SCN3A: variants seen among roughly 807,000 people sequenced by gnomAD.
SCN3A encodes sodium voltage-gated channel alpha subunit 3.
SCN3A carries 60 observed loss-of-function variants against 187.6 expected under a neutral mutation model. That is an observed-to-expected ratio of 0.32 (90% CI 0.26 to 0.40). The LOEUF (loss-of-function observed/expected upper bound fraction) is 0.40, where lower values mean the gene tolerates loss of function less well. SCN3A is among the 10% of genes least tolerant of loss of function. SCN3A has a pLI of 1.00. For missense variants in SCN3A, 1,601 were observed against 2,428.2 expected, an observed-to-expected ratio of 0.66 and a Z score of 7.16; for synonymous variants, 788 against 829.2, an observed-to-expected ratio of 0.95 and a Z score of 0.85.
chr2:165,181,474 A>C (rs930074903), intron 2 of SCN3A, among the ~76,000 whole-genome samples: 7 of 152,170 alleles, frequency 4.6e-5, no homozygotes, highest in Admixed American at 6.5e-5. Context: ...ATAATATCCA[A>C]AAATCGCATT....
chr2:165,148,096 CA>C (rs1419934251), intron 11 of SCN3A, among the ~76,000 whole-genome samples: 1 of 150,162 alleles, frequency 6.7e-6, no homozygotes, highest in East Asian at 2.0e-4. Context: ...GAAATTGTAT[CA>C]TTGTATGCTC....
rs1436286390 is a variant in SCN3A, at chr2:165,130,449, G to T, written c.2566-153C>A. On this transcript the variant is annotated intron_variant, in intron 16 of 27. Coordinates refer to ENST00000283254, the MANE Select transcript of SCN3A (RefSeq NM_006922.4). ...CAATTTCAAATCCAGAAAAAATAGT[G>T]TTAACAATATTAGAATTGTAAATCT... is the stretch of plus-strand genomic sequence containing the variant. 6.7e-6 allele frequency: 5 copies of T among 750,874 alleles called. No individual in the cohort carries two copies. The East Asian group carries it at 8.1e-5, about 12-fold the overall frequency. The allele number at this position is 750,874 out of a possible 1,614,324, so 46.5% of individuals were successfully genotyped here. A position where few individuals can be genotyped will look rare whatever the true frequency, so the allele number is the denominator to read the frequency against.
At chr2:165,201,189 A>T (rs141391947) in intron 1 of SCN3A, among the ~76,000 whole-genome samples, 14 of 152,206 alleles carry the variant, frequency 9.2e-5, no homozygotes, top group African/African-American at 3.4e-4. Flanking sequence ...TATTGGGCAT[A>T]AATAACTGTC....
At chr2:165,176,858 A>C (rs1379621940) in intron 2 of SCN3A, among the ~76,000 whole-genome samples, 2 of 152,214 alleles carry the variant, frequency 1.3e-5, no homozygotes, top group Non-Finnish European at 2.9e-5. Flanking sequence ...AAAATTGCTT[A>C]ATTATTCTGC....
chr2:165,093,579 G>T (rs1685215974), intron 26 of SCN3A: 2 of 152,068 alleles, frequency 1.3e-5, no homozygotes, highest in East Asian at 3.9e-4. Context: ...AAAATCAAAG[G>T]TCATGAAGTG....
In SCN3A at chr2:165,090,158, G is replaced by A. The variant is rs746768438; in HGVS notation, c.5995C>T (p.Gln1999Ter). ...TAATTCTTTGTTTCTTTTTACTTTT[G>A]ATTTTCTCTGACCTCTTTTCCTTTG... ...ESKGKEVREN[Q>*]K Residue 1999 changes from glutamine (Q) to a stop codon, truncating the protein, a stop_gained, in exon 28 of 28, where the codon CAA becomes TAA. Transcript: ENST00000283254. LOFTEE classifies it high-confidence loss of function. The surrounding 1 kb of genome is among the most constrained non-coding windows in gnomAD (Gnocchi z 4.0). 1 of 1,578,422 alleles carries A rather than the reference G, an allele frequency of 6.3e-7. No individual in the cohort carries two copies. The highest frequency in any genetic ancestry group is 8.6e-7 in the Non-Finnish European group (1 of 1,157,762).
chr2:165,133,417 C>T (rs1276810737), intron 15 of SCN3A, among the ~76,000 whole-genome samples: 16 of 151,908 alleles, frequency 1.1e-4, no homozygotes, highest in Non-Finnish European at 1.3e-4. Context: ...TAGAGTGGCG[C>T]GATCTTGGCT....
chr2:165,181,397 T>C (rs1433537641), intron 2 of SCN3A, among the ~76,000 whole-genome samples: 1 of 152,248 alleles, frequency 6.6e-6, no homozygotes, highest in Admixed American at 6.5e-5. Context: ...TACCTAATCA[T>C]GCACTAATTA....
rs140941690 is a variant in SCN3A, at chr2:165,174,622, T to C, written c.264+1509A>G. Among the ~76,000 whole-genome samples the C allele has an allele frequency of 6.2e-3, 947 of 152,288 alleles. 13 individuals are homozygous for C. Among genetic ancestry groups the C allele is most frequent in the African/African-American group, 0.022 (895 of 41,576 alleles). ...GCAAATACTTTTAATCATAGCAGAGTAAATCATGCCTCCTTTCTTAAAGAT... is the reference window on the plus strand; with the variant it reads ...GCAAATACTTTTAATCATAGCAGAGCAAATCATGCCTCCTTTCTTAAAGAT... On this transcript the variant is annotated intron_variant, in intron 3 of 27. Coordinates refer to ENST00000283254, the MANE Select transcript of SCN3A (RefSeq NM_006922.4).
intron 1 of SCN3A, among the ~76,000 whole-genome samples, chr2:165,201,389 ATAT>A (rs1304235673): frequency 6.6e-6 from 1 of 152,032 alleles, no homozygotes; most frequent in African/African-American, 2.4e-5. Context: ...GTGGTGGAAG[ATAT>A]TATATCACCA....
At position 165,088,976 on chromosome 2, in the gene SCN3A, T is replaced by G. The variant is rs1244637483; in HGVS notation, c.*1174A>C. ...ACATAATGGACAGAGCAGGTTGAAT[T>G]CATTCTATCACCAATATGTGACATT... On this transcript the variant is annotated 3_prime_UTR_variant, in exon 28 of 28. Coordinates refer to ENST00000283254, the MANE Select transcript of SCN3A (RefSeq NM_006922.4). 1.3e-5 allele frequency: 2 copies of G among 152,562 alleles called. No individual in the cohort carries two copies. Among genetic ancestry groups the G allele is most frequent in the African/African-American group, 4.8e-5 (2 of 41,440 alleles). The allele number at this position is 152,562 out of a possible 1,614,324, so 9.5% of individuals were successfully genotyped here.
intron 5 of SCN3A, among the ~76,000 whole-genome samples, chr2:165,166,105 C>T (rs1316360360): frequency 6.6e-6 from 1 of 152,118 alleles, no homozygotes; most frequent in Non-Finnish European, 1.5e-5. Context: ...GTGGTTAGTG[C>T]CCTGTGGTTT....
intron 1 of SCN3A, among the ~76,000 whole-genome samples, chr2:165,191,841 A>G (rs1691634053): frequency 6.6e-6 from 1 of 152,198 alleles, no homozygotes; most frequent in African/African-American, 2.4e-5. Context: ...TCATGTGTCT[A>G]GAACAGTACA....
chr2:165,166,649 C>T (rs1263929370), intron 5 of SCN3A, among the ~76,000 whole-genome samples: 1 of 152,130 alleles, frequency 6.6e-6, no homozygotes, highest in African/African-American at 2.4e-5. Context: ...CTTCAGTTTT[C>T]ATCTCAGAAC....
intron 21 of SCN3A, among the ~76,000 whole-genome samples, chr2:165,112,605 A>C (rs1204799841): frequency 6.6e-6 from 1 of 152,144 alleles, no homozygotes; most frequent in African/African-American, 2.4e-5. Context: ...TTACTTATCT[A>C]TTACTTACCT....
In SCN3A at chr2:165,128,052, T is replaced by C. The variant is rs763442630; in HGVS notation, c.2972A>G (p.Asn991Ser). The change falls in exon 18 of 28, where the codon AAC becomes AGC. Residue 991 changes from asparagine (N) to serine (S), a missense_variant. Around this residue, in one of 11 missense-constraint regions of SCN3A, gnomAD observed 267 missense variants for 313.2 expected, o/e 0.85. Coordinates refer to ENST00000283254, the MANE Select transcript of SCN3A (RefSeq NM_006922.4). ...ATTGTCATCATCAGTAGCAGCAAGGTTGTCTGAGCTAAATGAACTCAACAA... is the reference window on the plus strand; with the variant it reads ...ATTGTCATCATCAGTAGCAGCAAGGCTGTCTGAGCTAAATGAACTCAACAA... ...ALLLSSFSSD[N>S]LAATDDDNEM... 6.2e-7 allele frequency: 1 copy of C among 1,613,282 alleles called. No homozygotes were observed. Among genetic ancestry groups the C allele is most frequent in the African/African-American group, 1.3e-5 (1 of 74,808 alleles).
intron 19 of SCN3A, among the ~76,000 whole-genome samples, chr2:165,114,286 G>C (rs546523572): frequency 6.6e-6 from 1 of 152,236 alleles, no homozygotes; most frequent in South Asian, 2.1e-4. Flanking sequence ...GCATCTCTCA[G>C]GTTTGAGGCA....
At chr2:165,117,747 C>T (rs927164118) in intron 18 of SCN3A, among the ~76,000 whole-genome samples, 1 of 152,006 alleles carries the variant, frequency 6.6e-6, no homozygotes, top group Non-Finnish European at 1.5e-5. Context: ...TTAGAAAATG[C>T]ATTGTCTTAT....
Position 165,090,593 on chromosome 2 carries a change from A to G in SCN3A, c.5560T>C (p.Phe1854Leu). The change falls in exon 28 of 28, where the codon TTT becomes CTT. Residue 1854 changes from phenylalanine (F) to leucine (L), a missense_variant. Physicochemically the swap from Phe to Leu is conservative, Grantham distance 22. This residue lies in a region of SCN3A where 110 missense variants were observed against 175.9 expected (regional missense o/e 0.63). Coordinates refer to ENST00000283254, the MANE Select transcript of SCN3A (RefSeq NM_006922.4). This position sits in a 1 kb window ranked among gnomAD's most constrained non-coding sequence, Gnocchi z 4.0. ...CCCAAAACACGCTTTGTAAAGGCAAATAAAATATCAAGACAGTGGATCCGG... is the reference window on the plus strand; with the variant it reads ...CCCAAAACACGCTTTGTAAAGGCAAGTAAAATATCAAGACAGTGGATCCGG... The part of the protein sequence containing the change: ...GDRIHCLDIL[F>L]AFTKRVLGES... 6.2e-7 allele frequency: 1 copy of G among 1,614,096 alleles called. No homozygotes were observed. The highest frequency in any genetic ancestry group is 1.1e-5 in the South Asian group (1 of 91,082).
Sources: gnomAD v4.1 joint callset for allele counts (sites outside exome capture counted in the v4.1 genomes callset) on GRCh38, gnomAD v4.1.1 for gene constraint, gnomAD v4.1.1 regional missense constraint, Gnocchi (gnomAD v3.1) non-coding constraint, MANE v1.5 for transcripts, NCBI Gene and HGNC (gene_info 2026-07-23, HGNC 2026-07-21) for gene names.